SH3BGRL: variants seen among roughly 807,000 people sequenced by gnomAD.
SH3BGRL encodes the protein adapter SH3BGRL.
Under a neutral mutation model 9.8 loss-of-function variants are expected in SH3BGRL, and 7 were observed. The ratio of observed to expected loss-of-function variants is 0.72; its 90% CI spans 0.41 to 1.35. SH3BGRL has a LOEUF of 1.35. Ranked by LOEUF, SH3BGRL falls within the 40% of genes most tolerant of loss-of-function variation. The probability of loss-of-function intolerance (pLI) is 0.01; values close to 1 mark genes in which losing one functional copy is unlikely to be tolerated. For synonymous variants in SH3BGRL, 36 were observed against 29.1 expected, an observed-to-expected ratio of 1.24 and a Z score of -0.76; for missense variants, 73 against 84.4, an observed-to-expected ratio of 0.86 and a Z score of 0.53.
At chrX:81,243,638 A>T (rs1230317031) in intron 1 of SH3BGRL, among the ~76,000 whole-genome samples, 1 of 111,416 alleles carries the variant, frequency 9.0e-6, no homozygotes, top group East Asian at 2.8e-4. Context: ...CGATGTGCTT[A>T]TTAACATTGC....
intron 1 of SH3BGRL, 119 bp downstream of exon 1, chrX:81,202,364 C>T (rs1196267188): frequency 4.1e-6 from 4 of 978,760 alleles, no homozygotes; most frequent in Non-Finnish European, 5.2e-6. Flanking sequence ...ACTCATGCAT[C>T]CCCGATCCCA....
At chrX:81,272,465 G>T (rs1465198288) in intron 1 of SH3BGRL, among the ~76,000 whole-genome samples, 1 of 109,481 alleles carries the variant, frequency 9.1e-6, no homozygotes, top group African/African-American at 3.3e-5. Flanking sequence ...CACAGAGTAG[G>T]CAAAGACAGG....
intron 1 of SH3BGRL, among the ~76,000 whole-genome samples, chrX:81,242,533 T>C (rs757060257): frequency 8.9e-6 from 1 of 112,249 alleles, no homozygotes; most frequent in South Asian, 3.7e-4. Flanking sequence ...TGAGTAACAC[T>C]GCACAGGCAC....
Position 81,202,180 on chromosome X carries a change from A to G in SH3BGRL, c.-21A>G. On this transcript the variant is annotated 5_prime_UTR_variant, in exon 1 of 4. Transcript: ENST00000373212. ...CACAGCCCTTTTCAGGACCCAAACA[A>G]CCGCAGCCGCTGTTCCCAGGATGGT... 1 of 1,206,766 alleles carries G rather than the reference A, an allele frequency of 8.3e-7. No homozygotes were observed. Among genetic ancestry groups the G allele is most frequent in the Non-Finnish European group, 1.1e-6 (1 of 892,732 alleles).
intron 3 of SH3BGRL, among the ~76,000 whole-genome samples, chrX:81,289,805 C>G (rs2075851070): frequency 1.8e-5 from 2 of 111,628 alleles, no homozygotes; most frequent in African/African-American, 6.5e-5. Context: ...TTGCAGTGAG[C>G]CAAGATTGTA....
chrX:81,220,592 G>GTT (rs200696883), intron 1 of SH3BGRL, among the ~76,000 whole-genome samples: 1 of 101,835 alleles, frequency 9.8e-6, no homozygotes, highest in African/African-American at 3.6e-5. Flanking sequence ...CTTTTTTAGT[G>GTT]TTTTTTTTTC....
At chrX:81,225,449 A>G (rs2147675830) in intron 1 of SH3BGRL, among the ~76,000 whole-genome samples, 1 of 110,888 alleles carries the variant, frequency 9.0e-6, no homozygotes, top group South Asian at 3.8e-4. Flanking sequence ...CCTATTATTT[A>G]ACTCTGCATG....
At chrX:81,232,661 A>G (rs1446734152) in intron 1 of SH3BGRL, among the ~76,000 whole-genome samples, 2 of 110,786 alleles carry the variant, frequency 1.8e-5, no homozygotes, top group Non-Finnish European at 3.8e-5. Flanking sequence ...GAAAGCACCA[A>G]TGACATAGGT....
chrX:81,248,091 A>G (rs951930735), intron 1 of SH3BGRL, among the ~76,000 whole-genome samples: 1 of 110,766 alleles, frequency 9.0e-6, no homozygotes, highest in Admixed American at 9.6e-5. Context: ...GTTTCTGTGC[A>G]TAGAAGTGTT....
intron 3 of SH3BGRL, among the ~76,000 whole-genome samples, chrX:81,282,216 G>A (rs1244963108): frequency 8.9e-6 from 1 of 111,760 alleles, no homozygotes; most frequent in East Asian, 2.8e-4. Context: ...GAGATAGACA[G>A]CAACACAATA....
intron 1 of SH3BGRL, among the ~76,000 whole-genome samples, chrX:81,212,609 T>C (rs186372694): frequency 8.9e-6 from 1 of 112,247 alleles, no homozygotes; most frequent in African/African-American, 3.2e-5. Context: ...TGTGTTTATA[T>C]CCAATTAGAA....
At chrX:81,253,791 C>G (rs764932691) in intron 1 of SH3BGRL, among the ~76,000 whole-genome samples, 2 of 112,036 alleles carry the variant, frequency 1.8e-5, no homozygotes, top group South Asian at 3.7e-4. Context: ...AGCAGTGGCA[C>G]TGACTGCTTT....
chrX:81,276,099 T>C (rs1436101698), intron 1 of SH3BGRL, among the ~76,000 whole-genome samples: 1 of 111,038 alleles, frequency 9.0e-6, no homozygotes, highest in Non-Finnish European at 1.9e-5. Flanking sequence ...TCAGAAATGT[T>C]AAGTTATGGT....
At chrX:81,257,924 A>G (rs2075730314) in intron 1 of SH3BGRL, among the ~76,000 whole-genome samples, 1 of 110,928 alleles carries the variant, frequency 9.0e-6, no homozygotes, top group South Asian at 3.8e-4. Context: ...GTAAAGCTAT[A>G]TAACACTATT....
chrX:81,271,918 G>A (rs1312079673), intron 1 of SH3BGRL, among the ~76,000 whole-genome samples: 1 of 111,495 alleles, frequency 9.0e-6, no homozygotes, highest in Non-Finnish European at 1.9e-5. Flanking sequence ...ATGGTGGCTG[G>A]GCATGGTGGC....
chrX:81,280,881 A>G (rs1423201621), intron 3 of SH3BGRL, among the ~76,000 whole-genome samples: 1 of 111,661 alleles, frequency 9.0e-6, no homozygotes, highest in Non-Finnish European at 1.9e-5. Flanking sequence ...CAGGGAGGGA[A>G]CAGAGAAAGG....
At chrX:81,292,111 G>A (rs1049669420) in intron 3 of SH3BGRL, among the ~76,000 whole-genome samples, 2 of 111,824 alleles carry the variant, frequency 1.8e-5, no homozygotes, top group African/African-American at 3.3e-5. Context: ...GTACCCCAGT[G>A]TAGCCTCTGT....
intron 1 of SH3BGRL, among the ~76,000 whole-genome samples, chrX:81,223,263 G>A (rs181409988): frequency 6.6e-4 from 74 of 111,716 alleles, no homozygotes; most frequent in Middle Eastern, 4.6e-3. Flanking sequence ...CCTATGTCCT[G>A]AATGGTATTG....
intron 3 of SH3BGRL, among the ~76,000 whole-genome samples, chrX:81,281,131 A>G (rs2075815486): frequency 9.0e-6 from 1 of 111,227 alleles, no homozygotes; most frequent in Non-Finnish European, 1.9e-5. Flanking sequence ...CAAAGAAAAA[A>G]GAATAAGAAA....
Sources: allele counts gnomAD v4.1 joint callset (sites outside exome capture counted in the v4.1 genomes callset), GRCh38; gene constraint gnomAD v4.1.1; transcripts MANE v1.5; gene names NCBI Gene and HGNC (gene_info 2026-07-23, HGNC 2026-07-21).